Variants in BCOR observed in about 807,000 individuals in gnomAD.
BCOR encodes the protein BCL-6 corepressor.
Under a neutral mutation model 86.7 loss-of-function variants are expected in BCOR, and 10 were observed. The ratio of observed to expected loss-of-function variants is 0.12; its 90% CI spans 0.07 to 0.20. The LOEUF (loss-of-function observed/expected upper bound fraction) is 0.20. Ranked by LOEUF, BCOR falls within the 10% of genes least tolerant of loss-of-function variation. The pLI, the probability that BCOR is intolerant of heterozygous loss-of-function variation, is 1.00. For synonymous variants in BCOR, 611 were observed against 609.0 expected (o/e 1.00, Z -0.05); for missense variants, 1,259 against 1,452.1 (o/e 0.87, Z 2.16).
chrX:40,052,448 G>A (rs768825747), intron 14 of BCOR, 48 bp from the exon 15 acceptor site: 2 of 1,155,886 alleles, frequency 1.7e-6, no homozygotes, highest in East Asian at 6.0e-5. Context: ...AAAATGAAAA[G>A]TGCGCCCAAC....
At chrX:40,057,433 C>T in intron 10 of BCOR, 112 bp from the exon 11 acceptor site, 2 of 820,783 alleles carry the variant, frequency 2.4e-6, no homozygotes, top group Non-Finnish European at 3.6e-6. Flanking sequence ...AACCTGAGAA[C>T]CTCTCGGGCG....
exon 1 of BCOR, chrX:40,177,173 C>G (rs1938781389): frequency 9.0e-6 from 1 of 111,045 alleles, no homozygotes; most frequent in Non-Finnish European, 1.9e-5. Context: ...TTCTCCTCCT[C>G]CGAGGTGAGT....
chrX:40,062,971 C>G lies in BCOR; in HGVS notation c.3948G>C (p.Arg1316Ser), dbSNP rs752160903. 1.7e-6 allele frequency: 2 copies of G among 1,187,049 alleles called. No homozygotes were observed. The highest frequency in any genetic ancestry group is 3.1e-5 in the East Asian group (1 of 32,709). The change falls in exon 9 of 15, where the codon AGG (arginine) becomes AGC (serine). Residue 1316 changes from arginine (R) to serine (S), a missense_variant. Transcript: ENST00000378444. ...QAQPSCAPASRPPAKQQKIKE... is the reference protein window; with the variant it reads ...QAQPSCAPASSPPAKQQKIKE... ...TAATTTTCTGCTGTTTGGCAGGCGG[C>G]CTGGAGGCTGGTGCGCAGCTTGGCT...
At position 40,139,489 on chromosome X, in the gene BCOR, ATATATATATTTT is replaced by A. The variant is rs1466738870; in HGVS notation, c.-41+37506_-41+37517del. ...TATATATATATATATATATATATAT[ATATATATATTTT>A]TTTTTTTTTTTAAGCATCAGCCTTA... On this transcript the variant is annotated intron_variant, in intron 1 of 14. Transcript: ENST00000342274. Among the ~76,000 whole-genome samples the A allele has an allele frequency of 4.0e-4, 4 of 10,113 alleles. 2 individuals carry two copies. The highest frequency in any genetic ancestry group is 3.0e-4 in the Non-Finnish European group (2 of 6,667). The allele number at this position is 10,113 out of a possible 115,157, so 8.8% of individuals were successfully genotyped here.
chrX:40,108,757 G>A lies in BCOR; in HGVS notation c.-40-30788C>T, dbSNP rs1164007289. On this transcript the variant is annotated intron_variant, in intron 1 of 14. Coordinates refer to the BCOR transcript ENST00000342274. The stretch of plus-strand genomic sequence containing the variant: ...CCTCGGATCCGGCCGGGCTCCTCCT[G>A]GCTCAGGCTTGCTAAACCAAACTGA... 2.7e-5 allele frequency among the ~76,000 whole-genome samples: 3 copies of A among 113,098 alleles called. No homozygotes were observed. In the Admixed American group the frequency reaches 2.8e-4, roughly 10 times the overall value.
chrX:40,176,449 C>T (rs759691464), intron 1 of BCOR, among the ~76,000 whole-genome samples: 1 of 112,393 alleles, frequency 8.9e-6, no homozygotes, highest in Non-Finnish European at 1.9e-5. Context: ...CGGTTCCGGT[C>T]GTTCCGGGAT....
At chrX:40,149,088 G>T (rs1938118913) in intron 1 of BCOR, among the ~76,000 whole-genome samples, 1 of 108,822 alleles carries the variant, frequency 9.2e-6, no homozygotes, top group Non-Finnish European at 1.9e-5. Flanking sequence ...CAGCCTGCCT[G>T]GGGGGAGCTG....
chrX:40,134,912 G>A (rs1205483224), intron 1 of BCOR, among the ~76,000 whole-genome samples: 3 of 111,679 alleles, frequency 2.7e-5, no homozygotes, highest in African/African-American at 6.5e-5. Context: ...ATTAACCATC[G>A]GAATCAATTG....
intron 1 of BCOR, among the ~76,000 whole-genome samples, chrX:40,139,456 CATATAT>C (rs1163392804): frequency 0.03 from 21 of 689 alleles, 6 homozygotes; most frequent in Non-Finnish European, 0.039. Flanking sequence ...AATATATATA[CATATAT>C]ATATATATAT....
chrX:40,091,117 A>G (rs983359964), intron 1 of BCOR, among the ~76,000 whole-genome samples: 6 of 112,055 alleles, frequency 5.4e-5, no homozygotes, highest in African/African-American at 1.9e-4. Flanking sequence ...ACCTGAGTCA[A>G]TCCCATCCCC....
intron 1 of BCOR, among the ~76,000 whole-genome samples, chrX:40,139,411 AT>A (rs1937784942): frequency 6.2e-5 from 1 of 16,209 alleles, no homozygotes; most frequent in African/African-American, 6.5e-4. Flanking sequence ...ATATATATAT[AT>A]ATAATATATA....
At chrX:40,160,791 GTAGC>G (rs1308698029) in intron 1 of BCOR, among the ~76,000 whole-genome samples, 4 of 102,075 alleles carry the variant, frequency 3.9e-5, no homozygotes, top group African/African-American at 7.2e-5. Context: ...AGCCTCCTCA[GTAGC>G]TGGGACTACA....
chrX:40,062,856 C>T lies in BCOR; in HGVS notation c.4063G>A (p.Glu1355Lys), dbSNP rs780712297. 14 of 1,211,488 alleles carry T rather than the reference C, an allele frequency of 1.2e-5. No homozygotes were observed. In the East Asian group the frequency reaches 2.7e-4, roughly 23 times the overall value. Residue 1355 changes from glutamate (E) to lysine (K), a missense_variant, in exon 9 of 15, where the codon GAG (glutamate) becomes AAG (lysine). Transcript: ENST00000378444. ...SLLQKYTDNSEKPSGKRLCKT... is the reference protein window; with the variant it reads ...SLLQKYTDNSKKPSGKRLCKT... ...CACAGTCTCTTCCCGGATGGCTTCT[C>T]GCTGTTGTCGGTGTATTTCTGCAGC...
At chrX:40,175,284 C>T (rs759148100) in intron 1 of BCOR, among the ~76,000 whole-genome samples, 1 of 113,433 alleles carries the variant, frequency 8.8e-6, no homozygotes, top group South Asian at 3.5e-4. Flanking sequence ...GCCCCGCGCG[C>T]GTAAGCGCGG....
At chrX:40,092,359 G>A (rs967991573) in intron 1 of BCOR, among the ~76,000 whole-genome samples, 2 of 111,537 alleles carry the variant, frequency 1.8e-5, no homozygotes, top group South Asian at 3.7e-4. Context: ...TCGACGCCGC[G>A]GGCAAGCCAT....
intron 1 of BCOR, among the ~76,000 whole-genome samples, chrX:40,142,500 T>C (rs1307242248): frequency 1.8e-5 from 2 of 112,001 alleles, no homozygotes; most frequent in Non-Finnish European, 3.8e-5. Flanking sequence ...CCACCATCTG[T>C]TTGGCTTTAC....
chrX:40,139,394 C>CATATGT lies in BCOR; in HGVS notation c.-41+37612_-41+37613insACATAT. The stretch of plus-strand genomic sequence containing the variant: ...TATATATATATATATAATATATATA[C>CATATGT]ATATATATATATATATATATAATAT... On this transcript the variant is annotated intron_variant, in intron 1 of 14. Transcript: ENST00000342274. 4.1e-4 allele frequency among the ~76,000 whole-genome samples: 2 copies of CATATGT among 4,896 alleles called. 1 individual carries two copies. The highest frequency in any genetic ancestry group is 0.025 in the South Asian group (2 of 80). The allele number at this position is 4,896 out of a possible 115,157, so 4.3% of individuals were successfully genotyped here.
intron 1 of BCOR, among the ~76,000 whole-genome samples, chrX:40,131,259 G>A (rs188467203): frequency 5.3e-5 from 6 of 112,314 alleles, no homozygotes; most frequent in Non-Finnish European, 3.8e-5. Context: ...GTGAACCACA[G>A]ATCTTGCAGT....
intron 1 of BCOR, among the ~76,000 whole-genome samples, chrX:40,176,273 G>T (rs906488591): frequency 8.9e-6 from 1 of 112,335 alleles, no homozygotes; most frequent in Non-Finnish European, 1.9e-5. Flanking sequence ...TCTTCCGGGG[G>T]AAAGGGAGGC....
Sources: gnomAD v4.1 joint callset for allele counts (sites outside exome capture counted in the v4.1 genomes callset) on GRCh38, gnomAD v4.1.1 for gene constraint, MANE v1.5 for transcripts, NCBI Gene and HGNC (gene_info 2026-07-23, HGNC 2026-07-21) for gene names.